The following LPP variants were observed in gnomAD, a reference collection of about 807,000 sequenced individuals.
LPP encodes the protein LIM domain containing preferred translocation partner in lipoma, also known as lipoma-preferred partner.
In LPP, 38 loss-of-function variants were observed where a neutral mutation model predicts 60.4. That is an observed-to-expected ratio of 0.63 (90% CI 0.49 to 0.83). LPP has a LOEUF of 0.83. LPP is among the 40% of genes least tolerant of loss of function. The pLI is 0.00. For missense variants in LPP, 902 were observed against 783.6 expected (o/e 1.15, Z -1.80); for synonymous variants, 328 against 290.8 (o/e 1.13, Z -1.30).
At chr3:188,310,363 G>A (rs1353155850) in intron 2 of LPP, among the ~76,000 whole-genome samples, 5 of 152,212 alleles carry the variant, frequency 3.3e-5, no homozygotes, top group African/African-American at 1.2e-4. Context: ...TTCACAAGGA[G>A]AGACAGGCCA....
At chr3:188,681,651 G>GA (rs1303762013) in intron 7 of LPP, among the ~76,000 whole-genome samples, 3 of 152,052 alleles carry the variant, frequency 2.0e-5, no homozygotes, top group African/African-American at 7.2e-5. Context: ...CTTATGGGAG[G>GA]AAAAAAGGAA....
chr3:188,215,656 C>A (rs1207423523), intron 1 of LPP, among the ~76,000 whole-genome samples: 1 of 152,156 alleles, frequency 6.6e-6, no homozygotes, highest in Non-Finnish European at 1.5e-5. Flanking sequence ...GAATATACCA[C>A]ATTTTGTCTA....
chr3:188,746,381 C>T (rs1393831323), intron 8 of LPP: 1 of 455,512 alleles, frequency 2.2e-6, no homozygotes, highest in Non-Finnish European at 4.4e-6. Flanking sequence ...ATGAAAGGAA[C>T]AATCTACAGG....
rs758154311 is a variant in LPP, at chr3:188,294,539, C to T, written c.-66-47124C>T. ...GGTAACACAACTAGAGCCACCAAAC[C>T]GAAGCAAGTATATTTCCACCTAACT... On this transcript the variant is annotated intron_variant, in intron 2 of 11. Coordinates refer to ENST00000617246, the MANE Select transcript of LPP (RefSeq NM_001375462.1). 1.2e-3 allele frequency among the ~76,000 whole-genome samples: 175 copies of T among 152,118 alleles called. 2 individuals are homozygous for T. The highest frequency in any genetic ancestry group is 2.0e-3 in the Non-Finnish European group (138 of 68,024).
chr3:188,276,695 T>TCTC (rs1739908128), intron 2 of LPP, among the ~76,000 whole-genome samples: 20 of 16,416 alleles, frequency 1.2e-3, no homozygotes, highest in African/African-American at 8.3e-3. Flanking sequence ...CTCTCTCTCT[T>TCTC]TCTCTCTCTC....
At chr3:188,313,095 G>A (rs140763475) in intron 2 of LPP, among the ~76,000 whole-genome samples, 8,480 of 151,242 alleles carry the variant, frequency 0.056, 815 homozygotes, top group African/African-American at 0.2. Context: ...TAACAAATCT[G>A]CACGTTGTGC....
intron 6 of LPP, among the ~76,000 whole-genome samples, chr3:188,531,419 G>T (rs1822146604): frequency 6.6e-6 from 1 of 151,292 alleles, no homozygotes; most frequent in Non-Finnish European, 1.5e-5. Flanking sequence ...AATATCTATT[G>T]TTTTGATGAG....
intron 1 of LPP, among the ~76,000 whole-genome samples, chr3:188,171,470 T>C: frequency 6.6e-6 from 1 of 152,206 alleles, no homozygotes; most frequent in East Asian, 1.9e-4. Flanking sequence ...CTCACCTTTT[T>C]CCCTTCAGGC....
chr3:188,175,210 C>T (rs1489853285), intron 1 of LPP, among the ~76,000 whole-genome samples: 1 of 152,094 alleles, frequency 6.6e-6, no homozygotes, highest in East Asian at 1.9e-4. Context: ...CTCAGCCTCC[C>T]AAGTAGCTGG....
At chr3:188,203,489 T>A (rs1439788759) in intron 1 of LPP, among the ~76,000 whole-genome samples, 5 of 83,286 alleles carry the variant, frequency 6.0e-5, no homozygotes, top group Admixed American at 2.2e-4. Flanking sequence ...ATATATATTT[T>A]TAAATATATA....
chr3:188,691,169 A>G (rs1862044831), intron 7 of LPP, among the ~76,000 whole-genome samples: 1 of 152,190 alleles, frequency 6.6e-6, no homozygotes, highest in South Asian at 2.1e-4. Flanking sequence ...GTTAAACTTT[A>G]TTCATTTTTA....
At chr3:188,636,789 C>T (rs925738335) in intron 7 of LPP, among the ~76,000 whole-genome samples, 2 of 151,876 alleles carry the variant, frequency 1.3e-5, no homozygotes, top group East Asian at 3.9e-4. Context: ...CACCCCCCTG[C>T]AGGGGCACGC....
intron 5 of LPP, among the ~76,000 whole-genome samples, chr3:188,501,292 A>G (rs1811770513): frequency 6.6e-6 from 1 of 151,822 alleles, no homozygotes; most frequent in Non-Finnish European, 1.5e-5. Context: ...TTCCCTTGTG[A>G]TTTCTCCTTT....
chr3:188,501,286 C>A (rs1016884472), intron 5 of LPP, among the ~76,000 whole-genome samples: 1 of 151,992 alleles, frequency 6.6e-6, no homozygotes, highest in Admixed American at 6.6e-5. Flanking sequence ...TTCTATTTCC[C>A]TTGTGATTTC....
intron 7 of LPP, among the ~76,000 whole-genome samples, chr3:188,705,817 GT>G (rs1192232027): frequency 6.6e-6 from 1 of 151,980 alleles, no homozygotes; most frequent in African/African-American, 2.4e-5. Flanking sequence ...GGGTTTCACA[GT>G]TTTGGCTAGG....
chr3:188,668,960 A>G (rs1576938056), intron 7 of LPP, among the ~76,000 whole-genome samples: 1 of 152,116 alleles, frequency 6.6e-6, no homozygotes, highest in Non-Finnish European at 1.5e-5. Context: ...TCATTTTTTC[A>G]TTCCACTAAT....
At chr3:188,617,464 C>A (rs1256942568) in intron 7 of LPP, among the ~76,000 whole-genome samples, 4 of 152,204 alleles carry the variant, frequency 2.6e-5, no homozygotes, top group African/African-American at 9.6e-5. Flanking sequence ...ATCTTTAGAA[C>A]CCCATCATCA....
At position 188,251,228 on chromosome 3, in the gene LPP, C is replaced by T. The variant is rs531624907; in HGVS notation, c.-67+25701C>T. On this transcript the variant is annotated intron_variant, in intron 2 of 11. Coordinates refer to ENST00000617246, the MANE Select transcript of LPP (RefSeq NM_001375462.1). ...GCCCTCAAATTATCCCAGATTTGGT[C>T]AGTGGGAGCTGCATCAAGTTGGCTC... Among the ~76,000 whole-genome samples the T allele has an allele frequency of 4.6e-5, 7 of 151,258 alleles. No individual in the cohort carries two copies. In the South Asian group the frequency reaches 1.5e-3, roughly 32 times the overall value.
At chr3:188,232,690 T>C (rs1720513787) in intron 2 of LPP, among the ~76,000 whole-genome samples, 3 of 152,040 alleles carry the variant, frequency 2.0e-5, no homozygotes, top group South Asian at 4.1e-4. Flanking sequence ...TTACCAATTA[T>C]TTCATTTTTA....
Sources: gnomAD v4.1 joint callset for allele counts (sites outside exome capture counted in the v4.1 genomes callset) on GRCh38, gnomAD v4.1.1 for gene constraint, MANE v1.5 for transcripts, NCBI Gene and HGNC (gene_info 2026-07-23, HGNC 2026-07-21) for gene names.